MAD1L1: variants seen among roughly 807,000 people sequenced by gnomAD.
MAD1L1 encodes mitotic spindle assembly checkpoint protein MAD1.
MAD1L1 carries 95 observed loss-of-function variants against 96.9 expected under a neutral mutation model. The observed-to-expected ratio is 0.98, with a 90% CI of 0.83 to 1.16. The LOEUF (loss-of-function observed/expected upper bound fraction) is 1.16. Ranked by LOEUF, MAD1L1 falls within the 50% of genes most tolerant of loss-of-function variation. The probability of loss-of-function intolerance (pLI) is 0.00; values close to 1 mark genes in which losing one functional copy is unlikely to be tolerated. For synonymous variants in MAD1L1, 473 were observed against 396.6 expected (o/e 1.19, Z -2.29); for missense variants, 1,007 against 954.4 (o/e 1.06, Z -0.73).
chr7:2,213,590 ACTG>A (rs1395379020), intron 9 of MAD1L1, among the ~76,000 whole-genome samples: 2 of 152,198 alleles, frequency 1.3e-5, no homozygotes, highest in Non-Finnish European at 2.9e-5. Flanking sequence ...CCTGGGGTTG[ACTG>A]TGCCCCAGGG....
rs570477227 is a variant in MAD1L1 at position 2,040,447 on chromosome 7, C to T, written c.1219-25805G>A. ...GGGAACTTTGCTCATTTTATTCCAT[C>T]GTATTCTCTCTGCTGTTCAGAATGG... On this transcript the variant is annotated intron_variant, in intron 12 of 18. Coordinates refer to ENST00000265854, the MANE Select transcript of MAD1L1 (RefSeq NM_001013836.2). 4.6e-5 allele frequency among the ~76,000 whole-genome samples: 7 copies of T among 152,280 alleles called. No individual in the cohort carries two copies. The South Asian group carries it at 1.2e-3, about 27-fold the overall frequency.
chr7:1,878,452 A>G (rs1393222533), intron 18 of MAD1L1, among the ~76,000 whole-genome samples: 2 of 152,176 alleles, frequency 1.3e-5, no homozygotes, highest in Admixed American at 6.5e-5. Context: ...ATTGTATAAA[A>G]AGGGACCCAG....
chr7:1,946,236 G>A (rs1056024237), intron 16 of MAD1L1, among the ~76,000 whole-genome samples: 2 of 152,342 alleles, frequency 1.3e-5, no homozygotes, highest in South Asian at 2.1e-4. Flanking sequence ...GGCCCAGGGG[G>A]TCAGTGTGAG....
intron 7 of MAD1L1, 141 bp downstream of exon 7, chr7:2,217,821 C>G: frequency 1.4e-6 from 1 of 713,268 alleles, no homozygotes; most frequent in Non-Finnish European, 2.5e-6. Flanking sequence ...TGGTGCCCAG[C>G]ACAGTGCCCA....
chr7:1,980,589 G>A (rs751488126), intron 14 of MAD1L1, 48 bp from the exon 15 acceptor site: 2 of 1,486,122 alleles, frequency 1.3e-6, no homozygotes, highest in African/African-American at 1.4e-5. Flanking sequence ...AGCGCACCCA[G>A]GTGTGTGGGG....
At chr7:1,836,083 G>A (rs537041139) in intron 18 of MAD1L1, among the ~76,000 whole-genome samples, 5 of 152,130 alleles carry the variant, frequency 3.3e-5, no homozygotes, top group Admixed American at 6.5e-5. Context: ...GTGCAGTGGC[G>A]CAATCTCAGC....
intron 11 of MAD1L1, among the ~76,000 whole-genome samples, chr7:2,108,063 A>G (rs981938672): frequency 6.6e-6 from 1 of 151,892 alleles, no homozygotes; most frequent in African/African-American, 2.4e-5. Context: ...AAACTTGCTG[A>G]CCAAAAACCC....
chr7:1,914,375 G>A (rs1351756506), intron 17 of MAD1L1, among the ~76,000 whole-genome samples: 2 of 152,216 alleles, frequency 1.3e-5, no homozygotes, highest in Admixed American at 6.5e-5. Context: ...ACAATCACGC[G>A]GGTCTTCACA....
At chr7:1,977,136 A>C (rs1291073170) in intron 15 of MAD1L1, among the ~76,000 whole-genome samples, 3 of 152,236 alleles carry the variant, frequency 2.0e-5, no homozygotes, top group African/African-American at 7.2e-5. Flanking sequence ...TTGGGTGGTC[A>C]ATAGGACCAG....
At chr7:1,990,116 C>T (rs1454861651) in intron 14 of MAD1L1, among the ~76,000 whole-genome samples, 1 of 152,212 alleles carries the variant, frequency 6.6e-6, no homozygotes, top group Non-Finnish European at 1.5e-5. Flanking sequence ...GCGCGTGCAC[C>T]CGCCGCCTCA....
intron 18 of MAD1L1, among the ~76,000 whole-genome samples, chr7:1,826,846 T>C (rs1782418951): frequency 6.6e-6 from 1 of 152,242 alleles, no homozygotes; most frequent in South Asian, 2.1e-4. Context: ...GTGCTAATTA[T>C]ACCAGCGTTA....
At chr7:1,830,376 G>A (rs926303185) in intron 18 of MAD1L1, among the ~76,000 whole-genome samples, 18 of 152,156 alleles carry the variant, frequency 1.2e-4, no homozygotes, top group Admixed American at 2.0e-4. Context: ...CAGCCTGGGC[G>A]ACAGAGTGAG....
At chr7:2,140,152 C>T (rs1788958119) in intron 11 of MAD1L1, among the ~76,000 whole-genome samples, 1 of 152,202 alleles carries the variant, frequency 6.6e-6, no homozygotes, top group African/African-American at 2.4e-5. Context: ...CCAGGTGGCC[C>T]CTGCAGACGC....
At chr7:2,213,316 C>T (rs1309075456) in intron 9 of MAD1L1, 43 bp from the exon 10 acceptor site, 16 of 1,555,542 alleles carry the variant, frequency 1.0e-5, no homozygotes, top group Non-Finnish European at 1.4e-5. Flanking sequence ...TCACCTGCCA[C>T]AGGATCATCA....
chr7:1,936,699 T>C lies in MAD1L1; in HGVS notation c.1795A>G (p.Lys599Glu). The C allele has an allele frequency of 6.4e-7, 1 of 1,553,932 alleles. No individual in the cohort carries two copies. Among genetic ancestry groups the C allele is most frequent in the Non-Finnish European group, 8.7e-7 (1 of 1,149,948 alleles). Residue 599 changes from lysine (K) to glutamate (E), a missense_variant, in exon 17 of 19, where the codon AAG becomes GAG. Lys to Glu is a moderately conservative substitution (Grantham distance 56, BLOSUM62 1). Coordinates refer to ENST00000265854, the MANE Select transcript of MAD1L1 (RefSeq NM_001013836.2). ...GGGGGGTGCCTACCTGCCACCTCCT[T>C]GGACGATGGCAGACTCGCGGCGGCA... Reference protein sequence around the residue: ...EAAAASLPSSKEVAELKKQVE... With the variant: ...EAAAASLPSSEEVAELKKQVE...
At chr7:2,003,916 G>A (rs1311284981) in intron 13 of MAD1L1, among the ~76,000 whole-genome samples, 2 of 152,186 alleles carry the variant, frequency 1.3e-5, no homozygotes, top group African/African-American at 2.4e-5. Context: ...CACTGCTGGG[G>A]TCACCAGCAG....
intron 18 of MAD1L1, among the ~76,000 whole-genome samples, chr7:1,838,164 G>A (rs573002279): frequency 5.3e-5 from 8 of 152,176 alleles, no homozygotes; most frequent in Non-Finnish European, 1.0e-4. Context: ...GGAGGTTCAC[G>A]GACCCTCTAA....
intron 14 of MAD1L1, among the ~76,000 whole-genome samples, chr7:1,983,140 GCGCGCGCGCGCGCGCACACACACACA>G (rs961496000): frequency 9.1e-5 from 9 of 99,200 alleles, no homozygotes; most frequent in East Asian, 3.4e-4. Context: ...AGACGCGCGC[GCGCGCGCGCGCGCGCACACACACACA>G]CACACACACA....
At chr7:2,224,707 G>GTC (rs1793790321) in intron 4 of MAD1L1, among the ~76,000 whole-genome samples, 1 of 152,164 alleles carries the variant, frequency 6.6e-6, no homozygotes, top group Non-Finnish European at 1.5e-5. Flanking sequence ...TTCCACAACT[G>GTC]ATCAGCACTG....
Sources: gnomAD v4.1 joint callset for allele counts (sites outside exome capture counted in the v4.1 genomes callset) on GRCh38, gnomAD v4.1.1 for gene constraint, MANE v1.5 for transcripts, NCBI Gene and HGNC (gene_info 2026-07-23, HGNC 2026-07-21) for gene names.